The following PRKCA variants were observed in gnomAD, a reference collection of about 807,000 sequenced individuals.
The protein encoded by PRKCA is protein kinase C alpha type.
A neutral mutation model predicts 87.0 loss-of-function variants in PRKCA; 27 were observed. The observed-to-expected ratio is 0.31, with a 90% CI of 0.23 to 0.43. The LOEUF (loss-of-function observed/expected upper bound fraction) is 0.43. Among genes scored for constraint, PRKCA ranks in the 20% least tolerant of loss-of-function variants. PRKCA has a pLI of 1.00. For synonymous variants in PRKCA, 329 were observed against 311.1 expected, an observed-to-expected ratio of 1.06 and a Z score of -0.61; for missense variants, 518 against 852.3, an observed-to-expected ratio of 0.61 and a Z score of 4.88.
intron 3 of PRKCA, among the ~76,000 whole-genome samples, chr17:66,526,308 G>A (rs1299762448): frequency 1.3e-5 from 2 of 152,090 alleles, no homozygotes; most frequent in Non-Finnish European, 2.9e-5. Flanking sequence ...ATTTGCTATG[G>A]TCACCTAACA....
chr17:66,787,956 A>G (rs930980745), intron 15 of PRKCA, among the ~76,000 whole-genome samples: 7 of 152,104 alleles, frequency 4.6e-5, no homozygotes, highest in African/African-American at 7.2e-5. Flanking sequence ...TCTGGTGGCT[A>G]TTTGGATTGT....
chr17:66,323,646 G>GA (rs1256620791), intron 2 of PRKCA, among the ~76,000 whole-genome samples: 6 of 152,190 alleles, frequency 3.9e-5, no homozygotes, highest in Non-Finnish European at 8.8e-5. Context: ...GTGGTAGAAA[G>GA]AATTGCTAAT....
intron 3 of PRKCA, among the ~76,000 whole-genome samples, chr17:66,625,914 C>T (rs900406258): frequency 1.3e-5 from 2 of 152,194 alleles, no homozygotes; most frequent in African/African-American, 2.4e-5. Flanking sequence ...TTTGACTCTC[C>T]ATGGTCGTAT....
At chr17:66,475,410 G>T (rs1165467616) in intron 2 of PRKCA, among the ~76,000 whole-genome samples, 2 of 152,138 alleles carry the variant, frequency 1.3e-5, no homozygotes, top group Non-Finnish European at 2.9e-5. Context: ...CTGCATTTCT[G>T]TAGTTTTGAA....
chr17:66,498,643 T>C (rs956825734), intron 3 of PRKCA, among the ~76,000 whole-genome samples: 5 of 152,220 alleles, frequency 3.3e-5, no homozygotes, highest in Admixed American at 1.3e-4. Context: ...AAAATATCAC[T>C]AATTCAAATA....
chr17:66,483,580 A>C (rs8079085), intron 2 of PRKCA, among the ~76,000 whole-genome samples: 32,328 of 151,702 alleles, frequency 0.21, 3,643 homozygotes, highest in Middle Eastern at 0.25. Flanking sequence ...CTCCTGCCTC[A>C]GCCTCCCAAA....
At chr17:66,655,113 G>A (rs16959866) in intron 5 of PRKCA, among the ~76,000 whole-genome samples, 23,104 of 152,188 alleles carry the variant, frequency 0.15, 2,005 homozygotes, top group East Asian at 0.3. Flanking sequence ...AGGAAAGTGC[G>A]TCTTAGCTAA....
chr17:66,388,776 A>G (rs1910205537), intron 2 of PRKCA, among the ~76,000 whole-genome samples: 1 of 152,162 alleles, frequency 6.6e-6, no homozygotes, highest in African/African-American at 2.4e-5. Context: ...TCCTATACAC[A>G]AAGACCCAGG....
chr17:66,799,048 GGTGA>G, intron 16 of PRKCA, among the ~76,000 whole-genome samples: 1 of 150,936 alleles, frequency 6.6e-6, no homozygotes, highest in Non-Finnish European at 1.5e-5. Context: ...TGGTGGTGAT[GGTGA>G]TGGTGGTGGT....
chr17:66,699,158 C>T (rs1176575959), intron 8 of PRKCA, among the ~76,000 whole-genome samples: 4 of 141,350 alleles, frequency 2.8e-5, no homozygotes, highest in African/African-American at 5.3e-5. Flanking sequence ...TTCGATTGTG[C>T]GTGTGAATAG....
chr17:66,390,727 G>A (rs1910313534), intron 2 of PRKCA, among the ~76,000 whole-genome samples: 2 of 152,188 alleles, frequency 1.3e-5, no homozygotes, highest in South Asian at 4.1e-4. Context: ...GACTTCATGG[G>A]CCTCTCCACT....
intron 16 of PRKCA, among the ~76,000 whole-genome samples, chr17:66,797,226 G>T (rs960031017): frequency 6.6e-6 from 1 of 152,202 alleles, no homozygotes; most frequent in African/African-American, 2.4e-5. Context: ...GAAAGGGGCT[G>T]TGAGCAATGT....
chr17:66,452,129 C>T (rs976494540), intron 2 of PRKCA, among the ~76,000 whole-genome samples: 158 of 152,344 alleles, frequency 1.0e-3, no homozygotes, highest in African/African-American at 3.6e-3. Context: ...ACCAAGACAT[C>T]AGGTGACCCT....
chr17:66,612,527 A>G (rs1179157849), intron 3 of PRKCA, among the ~76,000 whole-genome samples: 2 of 152,144 alleles, frequency 1.3e-5, no homozygotes, highest in African/African-American at 2.4e-5. Context: ...GACATTGGTA[A>G]TATATAAATA....
At chr17:66,655,564 T>C (rs1312981287) in intron 5 of PRKCA, among the ~76,000 whole-genome samples, 1 of 152,204 alleles carries the variant, frequency 6.6e-6, no homozygotes, top group African/African-American at 2.4e-5. Flanking sequence ...TTATAACATG[T>C]ATTATGAGAT....
At chr17:66,425,174 G>T (rs9892015) in intron 2 of PRKCA, among the ~76,000 whole-genome samples, 1 of 152,042 alleles carries the variant, frequency 6.6e-6, no homozygotes, top group South Asian at 2.1e-4. Flanking sequence ...TTGAGTAAAC[G>T]TAGCCAAAGT....
intron 3 of PRKCA, among the ~76,000 whole-genome samples, chr17:66,606,207 G>T (rs1164415183): frequency 6.6e-6 from 1 of 152,066 alleles, no homozygotes; most frequent in Admixed American, 6.6e-5. Flanking sequence ...GGCCAACATG[G>T]TGAAACCCCG....
At chr17:66,446,881 C>G (rs1914063851) in intron 2 of PRKCA, among the ~76,000 whole-genome samples, 1 of 152,130 alleles carries the variant, frequency 6.6e-6, no homozygotes, top group African/African-American at 2.4e-5. Flanking sequence ...TTGGAGGGGT[C>G]AGGGCAGTTA....
At chr17:66,395,982 A>G (rs549024271) in intron 2 of PRKCA, among the ~76,000 whole-genome samples, 206 of 152,040 alleles carry the variant, frequency 1.4e-3, no homozygotes, top group African/African-American at 4.9e-3. Context: ...TAACCTGGAA[A>G]GTCTCCCACT....
Sources: allele counts gnomAD v4.1 joint callset (sites outside exome capture counted in the v4.1 genomes callset), GRCh38; gene constraint gnomAD v4.1.1; transcripts MANE v1.5; gene names NCBI Gene and HGNC (gene_info 2026-07-23, HGNC 2026-07-21).